DDX46: variants seen among roughly 807,000 people sequenced by gnomAD.
DDX46 encodes probable ATP-dependent RNA helicase DDX46.
Under a neutral mutation model 134.9 loss-of-function variants are expected in DDX46, and 30 were observed. That is an observed-to-expected ratio of 0.22 (90% confidence interval 0.17 to 0.30). DDX46 has a LOEUF of 0.30. Among genes scored for constraint, DDX46 ranks in the 10% least tolerant of loss-of-function variants. The pLI, the probability that DDX46 is intolerant of heterozygous loss-of-function variation, is 1.00. For missense variants in DDX46, 622 were observed against 1,248.7 expected (o/e 0.50, Z 7.56); for synonymous variants, 415 against 404.1 (o/e 1.03, Z -0.32).
At chr5:134,800,370 G>A (rs187086960) in intron 15 of DDX46, among the ~76,000 whole-genome samples, 39 of 152,272 alleles carry the variant, frequency 2.6e-4, no homozygotes, top group Admixed American at 2.6e-4. Flanking sequence ...TTTAGCATAT[G>A]CCTTTTGAGA....
chr5:134,828,677 A>G lies in DDX46; in HGVS notation c.3070A>G (p.Thr1024Ala), dbSNP rs1206482162. 1.3e-6 allele frequency: 2 copies of G among 1,528,592 alleles called. No homozygotes were observed. Among genetic ancestry groups the G allele is most frequent in the African/African-American group, 1.4e-5 (1 of 70,774 alleles). The allele number at this position is 1,528,592 out of a possible 1,614,324, so 94.7% of individuals were successfully genotyped here. Residue 1024 changes from threonine to alanine, a missense_variant, in exon 23 of 23, where the codon ACA becomes GCA. By Grantham distance (58) the Thr-to-Ala change is moderately conservative. Transcript: ENST00000452510. ...ATTACAGCAAAATTCATACCAACCA[A>G]CAAATAAAGGAAGATACAAAGTCTT... ...LIRLQNSYQP[T>A]NKGRYKVL
intron 21 of DDX46, 55 bp downstream of exon 21, chr5:134,819,059 T>C (rs754800179): frequency 1.5e-4 from 238 of 1,583,120 alleles, no homozygotes; most frequent in Non-Finnish European, 1.9e-4. Flanking sequence ...TTGATGTAGA[T>C]GTAATAAACG....
rs372541038 is a variant in DDX46, at chr5:134,801,344, A to T, written c.1954+5194A>T. The stretch of plus-strand genomic sequence containing the variant: ...TTTTGCAGTTGGCTTTTTTTTACTC[A>T]GCTTAATAACTTTGATATGCATCCA... On this transcript the variant is annotated intron_variant, in intron 15 of 22. Transcript: ENST00000452510. Among the ~76,000 whole-genome samples the T allele has an allele frequency of 1.6e-4, 24 of 152,150 alleles. No homozygotes were observed. In the East Asian group the frequency reaches 3.9e-3, roughly 25 times the overall value.
intron 21 of DDX46, 21 bp from the exon 22 acceptor site, chr5:134,826,926 T>A: frequency 6.2e-7 from 1 of 1,608,884 alleles, no homozygotes; most frequent in Non-Finnish European, 8.5e-7. Flanking sequence ...TTGAATAATA[T>A]GCTTTCCACT....
Position 134,825,457 on chromosome 5 carries a change from C to T in DDX46, c.2978-1490C>T, listed in dbSNP as rs553771938. On this transcript the variant is annotated intron_variant, in intron 21 of 22. Transcript: ENST00000452510. The stretch of plus-strand genomic sequence containing the variant: ...ACTGTTTCTGTCTCTCTTTCTAGCT[C>T]CGTCTCTGTCTCTCTCTGGGGACAG... Among the ~76,000 whole-genome samples the T allele has an allele frequency of 2.6e-5, 4 of 152,244 alleles. No homozygotes were observed. The South Asian group carries it at 8.3e-4, about 32-fold the overall frequency.
At chr5:134,815,218 C>T (rs963167228) in intron 18 of DDX46, among the ~76,000 whole-genome samples, 8 of 152,122 alleles carry the variant, frequency 5.3e-5, no homozygotes, top group South Asian at 2.1e-4. Flanking sequence ...AAAAGCTAAA[C>T]GGACTGTTTT....
intron 15 of DDX46, among the ~76,000 whole-genome samples, chr5:134,803,335 A>G (rs1422508991): frequency 1.3e-5 from 2 of 151,222 alleles, no homozygotes; most frequent in Middle Eastern, 6.8e-3. Context: ...AACTGCTTAG[A>G]TTTTTGCCTC....
At chr5:134,804,260 A>G (rs571770188) in intron 15 of DDX46, among the ~76,000 whole-genome samples, 2 of 152,290 alleles carry the variant, frequency 1.3e-5, no homozygotes, top group South Asian at 4.1e-4. Flanking sequence ...TTTCATAATA[A>G]TCCAATGATG....
At chr5:134,818,221 A>G (rs1467142516) in intron 20 of DDX46, among the ~76,000 whole-genome samples, 3 of 150,838 alleles carry the variant, frequency 2.0e-5, no homozygotes, top group Non-Finnish European at 4.4e-5. Flanking sequence ...GGCCTCCCAA[A>G]GTGCTGGGAT....
intron 15 of DDX46, among the ~76,000 whole-genome samples, chr5:134,803,765 T>C (rs1754900597): frequency 1.3e-5 from 2 of 152,252 alleles, no homozygotes; most frequent in South Asian, 4.1e-4. Context: ...TCTCCTACAT[T>C]GTTGGGAATG....
At chr5:134,825,947 C>G (rs1462472571) in intron 21 of DDX46, 1 of 152,192 alleles carries the variant, frequency 6.6e-6, no homozygotes, top group African/African-American at 2.4e-5. Context: ...CCTTTTTTCA[C>G]TTGCCAGCCA....
At chr5:134,758,985 G>A (rs202082241) in intron 1 of DDX46, 30 bp downstream of exon 1, 65 of 1,607,638 alleles carry the variant, frequency 4.0e-5, no homozygotes, top group Non-Finnish European at 5.5e-5. Context: ...GGGCTAGCGG[G>A]CGAGCGGCTT....
chr5:134,803,125 C>G (rs1209215107), intron 15 of DDX46, among the ~76,000 whole-genome samples: 3 of 152,156 alleles, frequency 2.0e-5, no homozygotes, highest in Non-Finnish European at 4.4e-5. Context: ...TCCCAAGTAG[C>G]TGGGATGACA....
chr5:134,778,934 T>C (rs1754042074), intron 6 of DDX46, among the ~76,000 whole-genome samples: 1 of 152,194 alleles, frequency 6.6e-6, no homozygotes, highest in Non-Finnish European at 1.5e-5. Context: ...GTCGCCTTTG[T>C]TGCCTAGGCT....
At chr5:134,763,755 C>A in intron 1 of DDX46, 149 bp from the exon 2 acceptor site, 1 of 912,734 alleles carries the variant, frequency 1.1e-6, no homozygotes, top group Non-Finnish European at 1.6e-6. Flanking sequence ...CAGAAGGGTT[C>A]ATTTTTTCCC....
chr5:134,794,766 AG>A (rs1754600571), intron 13 of DDX46, 83 bp from the exon 14 acceptor site: 2 of 1,526,544 alleles, frequency 1.3e-6, no homozygotes, highest in Non-Finnish European at 1.8e-6. Flanking sequence ...TGTTCTCAAA[AG>A]TTCCTTTTAC....
At chr5:134,767,373 C>T (rs78041634) in intron 3 of DDX46, among the ~76,000 whole-genome samples, 16,164 of 152,056 alleles carry the variant, frequency 0.11, 1,143 homozygotes, top group East Asian at 0.26. Context: ...GGGTCTCACT[C>T]TGTTGCCCAG....
intron 11 of DDX46, among the ~76,000 whole-genome samples, chr5:134,786,554 A>G (rs1754340999): frequency 6.6e-6 from 1 of 152,100 alleles, no homozygotes; most frequent in Admixed American, 6.6e-5. Flanking sequence ...ATCTTTAAAA[A>G]GTGATGGTGG....
At chr5:134,776,931 G>C (rs1352204474) in intron 5 of DDX46, among the ~76,000 whole-genome samples, 1 of 137,906 alleles carries the variant, frequency 7.3e-6, no homozygotes, top group Non-Finnish European at 1.6e-5. Flanking sequence ...AAAAAAAAAA[G>C]GCCAGGCGTG....
Sources: gnomAD v4.1 joint callset for allele counts (sites outside exome capture counted in the v4.1 genomes callset) on GRCh38, gnomAD v4.1.1 for gene constraint, MANE v1.5 for transcripts, NCBI Gene and HGNC (gene_info 2026-07-23, HGNC 2026-07-21) for gene names.